Variants in ST6GAL1 observed in about 807,000 individuals in gnomAD.
ST6GAL1 encodes the protein beta-galactoside alpha-2,6-sialyltransferase 1.
Under a neutral mutation model 38.0 loss-of-function variants are expected in ST6GAL1, and 20 were observed. That is an observed-to-expected ratio of 0.53 (90% CI 0.37 to 0.77). ST6GAL1 has a LOEUF of 0.77. Ranked by LOEUF, ST6GAL1 falls within the 30% of genes least tolerant of loss-of-function variation. The probability of loss-of-function intolerance (pLI) is 0.00; values close to 1 mark genes in which losing one functional copy is unlikely to be tolerated. For missense variants in ST6GAL1, 432 were observed against 496.4 expected, an observed-to-expected ratio of 0.87 and a Z score of 1.23; for synonymous variants, 196 against 188.2, an observed-to-expected ratio of 1.04 and a Z score of -0.34.
intron 2 of ST6GAL1, among the ~76,000 whole-genome samples, chr3:186,984,841 C>CT (rs1560151264): frequency 1.3e-5 from 1 of 75,218 alleles, no homozygotes; most frequent in Non-Finnish European, 2.6e-5. Flanking sequence ...CCCTCCCTCC[C>CT]TCCCTCCTTC....
intron 5 of ST6GAL1, among the ~76,000 whole-genome samples, chr3:187,071,776 C>CAAAAAAAAAAAAAAAAAAAA (rs11330261): frequency 2.8e-5 from 2 of 72,324 alleles, no homozygotes; most frequent in Admixed American, 1.7e-4. Context: ...GACTCCGCCT[C>CAAAAAAAAAAAAAAAAAAAA]AAAAAAAAAA....
intron 5 of ST6GAL1, among the ~76,000 whole-genome samples, chr3:187,060,411 T>G (rs1374942192): frequency 6.6e-6 from 1 of 152,186 alleles, no homozygotes; most frequent in Non-Finnish European, 1.5e-5. Context: ...TCCACCTGCC[T>G]CAGCCTCCCA....
chr3:187,056,797 G>A (rs1456995789), intron 5 of ST6GAL1, among the ~76,000 whole-genome samples: 1 of 152,118 alleles, frequency 6.6e-6, no homozygotes, highest in Admixed American at 6.5e-5. Flanking sequence ...TGCTCTTCTC[G>A]AGGAGTATCT....
Position 187,075,832 on chromosome 3 carries a change from G to C in ST6GAL1, c.*29G>C. Reference sequence around the variant, plus strand: ...CAGGCTCCTCACTCTTCTCCATCAGGCATTAAATGAATGGTCTCTTGGCCA... The same window carrying C: ...CAGGCTCCTCACTCTTCTCCATCAGCCATTAAATGAATGGTCTCTTGGCCA... On this transcript the variant is annotated 3_prime_UTR_variant, in exon 8 of 8. Transcript: ENST00000169298. The surrounding 1 kb of genome is among the most constrained non-coding windows in gnomAD (Gnocchi z 4.1). The C allele has an allele frequency of 6.2e-7, 1 of 1,609,784 alleles. No individual in the cohort carries two copies. Among genetic ancestry groups the C allele is most frequent in the Non-Finnish European group, 8.5e-7 (1 of 1,176,710 alleles).
At chr3:186,987,194 G>GGGAGGGAGGGAA (rs1553821970) in intron 2 of ST6GAL1, among the ~76,000 whole-genome samples, 3 of 133,050 alleles carry the variant, frequency 2.3e-5, no homozygotes, top group Non-Finnish European at 4.7e-5. Context: ...GAGGGAGGGA[G>GGGAGGGAGGGAA]GGAGGGAAGG....
intron 2 of ST6GAL1, among the ~76,000 whole-genome samples, chr3:186,983,775 GA>G (rs1715771151): frequency 6.6e-6 from 1 of 152,130 alleles, no homozygotes; most frequent in African/African-American, 2.4e-5. Flanking sequence ...TCCAAGATCA[GA>G]CCTTTGAGGA....
chr3:187,070,424 C>CT lies in ST6GAL1; in HGVS notation c.706-2405dup, dbSNP rs34389560. 3.3e-3 allele frequency among the ~76,000 whole-genome samples: 326 copies of CT among 99,112 alleles called. 3 individuals are homozygous for CT. Among genetic ancestry groups the CT allele is most frequent in the Middle Eastern group, 0.017 (3 of 180 alleles). 65.0% of individuals were successfully genotyped at this position (99,112 alleles called of 152,430 possible). A position where few individuals can be genotyped will look rare whatever the true frequency, so the allele number is the denominator to read the frequency against. On this transcript the variant is annotated intron_variant, in intron 5 of 7. Coordinates refer to ENST00000169298, the MANE Select transcript of ST6GAL1 (RefSeq NM_173216.2). ...TCTTTTTTGCCCCCTAACACTTGCTCTTTTTTTTTTTTTTTTTTTTCGAGA... is the reference window on the plus strand; with the variant it reads ...TCTTTTTTGCCCCCTAACACTTGCTCTTTTTTTTTTTTTTTTTTTTTCGAGA...
intron 2 of ST6GAL1, among the ~76,000 whole-genome samples, chr3:187,028,942 A>C (rs967999276): frequency 2.0e-5 from 3 of 151,990 alleles, no homozygotes; most frequent in African/African-American, 7.2e-5. Flanking sequence ...GGTGGTTAGC[A>C]GGGCGTGGTG....
intron 5 of ST6GAL1, among the ~76,000 whole-genome samples, chr3:187,066,441 G>A (rs918393474): frequency 5.3e-5 from 8 of 152,056 alleles, no homozygotes; most frequent in African/African-American, 1.7e-4. Context: ...CTCCCTCACA[G>A]CCCTATTTCC....
rs141368460 is a variant in ST6GAL1, at chr3:187,019,108, T to G, written c.-182-19634T>G. On this transcript the variant is annotated intron_variant, in intron 2 of 7. Transcript: ENST00000169298. ...ATAACAAATAACTCAAATTTTAAATTAAAGTTAGTCGACAACATCTTTCAA... is the reference window on the plus strand; with the variant it reads ...ATAACAAATAACTCAAATTTTAAATGAAAGTTAGTCGACAACATCTTTCAA... 2.9e-4 allele frequency among the ~76,000 whole-genome samples: 44 copies of G among 152,334 alleles called. No homozygotes were observed. The East Asian group carries it at 7.3e-3, about 25-fold the overall frequency.
At chr3:186,932,235 A>G (rs1024518653) in intron 1 of ST6GAL1, among the ~76,000 whole-genome samples, 2 of 152,220 alleles carry the variant, frequency 1.3e-5, no homozygotes, top group Non-Finnish European at 2.9e-5. Context: ...ACAGGCAGGA[A>G]GCTGAGGCCG....
At chr3:186,981,323 C>T (rs60705535) in intron 2 of ST6GAL1, among the ~76,000 whole-genome samples, 4,308 of 152,234 alleles carry the variant, frequency 0.028, 71 homozygotes, top group East Asian at 0.063. Flanking sequence ...TTGGTGAAGC[C>T]TCTAGTTACA....
chr3:186,938,746 A>G (rs3864105), intron 1 of ST6GAL1, among the ~76,000 whole-genome samples: 93,943 of 152,096 alleles, frequency 0.62, 29,103 homozygotes, highest in African/African-American at 0.67. Flanking sequence ...GAAGAGTGTA[A>G]GGAACCCTAT....
At chr3:186,989,650 T>G (rs1303649253) in intron 2 of ST6GAL1, among the ~76,000 whole-genome samples, 1 of 152,194 alleles carries the variant, frequency 6.6e-6, no homozygotes, top group African/African-American at 2.4e-5. Flanking sequence ...AAGCTTGAGC[T>G]TTGGATGCAA....
At chr3:187,040,237 C>G (rs1718081266) in intron 3 of ST6GAL1, among the ~76,000 whole-genome samples, 1 of 152,190 alleles carries the variant, frequency 6.6e-6, no homozygotes. Context: ...GTCTGTAAAA[C>G]CTTACCAATA....
chr3:186,997,024 G>C (rs1716434591), intron 2 of ST6GAL1, among the ~76,000 whole-genome samples: 1 of 151,986 alleles, frequency 6.6e-6, no homozygotes, highest in Admixed American at 6.6e-5. Context: ...CTGTGCTTTG[G>C]CTGTGTTGGA....
At chr3:186,987,198 G>A (rs55881921) in intron 2 of ST6GAL1, among the ~76,000 whole-genome samples, 49 of 126,926 alleles carry the variant, frequency 3.9e-4, no homozygotes, top group Non-Finnish European at 5.2e-4. Context: ...GAGGGAGGGA[G>A]GGAAGGAAAG....
At chr3:187,059,216 A>G (rs543816116) in intron 5 of ST6GAL1, among the ~76,000 whole-genome samples, 5 of 152,254 alleles carry the variant, frequency 3.3e-5, no homozygotes, top group East Asian at 1.9e-4. Context: ...TGAGGGAGAC[A>G]TTCAGATACC....
chr3:187,076,067 C>T lies in ST6GAL1; in HGVS notation c.*264C>T, dbSNP rs763476394. 8 of 448,542 alleles carry T rather than the reference C, an allele frequency of 1.8e-5. No individual in the cohort carries two copies. The highest frequency in any genetic ancestry group is 9.3e-5 in the South Asian group (3 of 32,226). The allele number at this position is 448,542 out of a possible 1,614,324, so 27.8% of individuals were successfully genotyped here. On this transcript the variant is annotated 3_prime_UTR_variant, in exon 8 of 8. Transcript: ENST00000169298. Reference sequence around the variant, plus strand: ...CATTCTTTCCAGACAGCATCCTCCCCGCCTTCCACCTTGGTAGATGCAAGG... The same window carrying T: ...CATTCTTTCCAGACAGCATCCTCCCTGCCTTCCACCTTGGTAGATGCAAGG...
Sources: gnomAD v4.1 joint callset for allele counts (sites outside exome capture counted in the v4.1 genomes callset) on GRCh38, gnomAD v4.1.1 for gene constraint, Gnocchi (gnomAD v3.1) non-coding constraint, MANE v1.5 for transcripts, NCBI Gene and HGNC (gene_info 2026-07-23, HGNC 2026-07-21) for gene names.